Variants in TTC23L observed in about 807,000 individuals in gnomAD.
The protein encoded by TTC23L is tetratricopeptide repeat protein 23-like.
A neutral mutation model predicts 48.1 loss-of-function variants in TTC23L; 42 were observed. That is an observed-to-expected ratio of 0.87 (90% CI 0.68 to 1.13). The LOEUF (loss-of-function observed/expected upper bound fraction) is 1.13, where lower values mean the gene tolerates loss of function less well. Ranked by LOEUF, TTC23L falls within the 50% of genes most tolerant of loss-of-function variation. TTC23L has a pLI of 0.00. For synonymous variants in TTC23L, 159 were observed against 157.2 expected, an observed-to-expected ratio of 1.01 and a Z score of -0.09; for missense variants, 391 against 421.0, an observed-to-expected ratio of 0.93 and a Z score of 0.62.
At chr5:34,870,477 A>C (rs1761377605) in intron 8 of TTC23L, among the ~76,000 whole-genome samples, 1 of 152,196 alleles carries the variant, frequency 6.6e-6, no homozygotes, top group South Asian at 2.1e-4. Flanking sequence ...TTATCTTTTA[A>C]GAAAGAAATC....
intron 5 of TTC23L, 127 bp from the exon 6 acceptor site, chr5:34,864,310 C>G: frequency 1.7e-6 from 2 of 1,153,400 alleles, no homozygotes; most frequent in Non-Finnish European, 2.4e-6. Flanking sequence ...AAATAAAGAA[C>G]ATAGTTAAGT....
chr5:34,897,015 AAAAAAAAAC>A (rs1025328358), intron 10 of TTC23L, 140 bp downstream of exon 10: 4 of 547,684 alleles, frequency 7.3e-6, no homozygotes, highest in South Asian at 5.5e-5. Flanking sequence ...ATTTAAGGAA[AAAAAAAAAC>A]AAAAAAAACA....
chr5:34,858,246 T>C (rs1760286526), intron 4 of TTC23L, among the ~76,000 whole-genome samples: 2 of 152,176 alleles, frequency 1.3e-5, no homozygotes, highest in Admixed American at 1.3e-4. Flanking sequence ...GAAAAGTAAC[T>C]TGATCTATGA....
At chr5:34,922,808 T>C in the TTC23L span, 13 of 1,559,056 alleles carry the variant, frequency 8.3e-6, no homozygotes, top group South Asian at 1.1e-5. Flanking sequence ...AATTTTCTTA[T>C]CTGGCATGGT....
the TTC23L span, chr5:34,915,488 G>T: frequency 2.3e-6 from 1 of 430,744 alleles, no homozygotes; most frequent in Non-Finnish European, 4.1e-6. Context: ...GCGGCTCCGA[G>T]GAACCGCGGA....
chr5:34,922,939 G>T, the TTC23L span: 3 of 1,291,134 alleles, frequency 2.3e-6, no homozygotes, highest in South Asian at 2.5e-5. Context: ...AGAAACAAAT[G>T]AGCAAACAGT....
At chr5:34,923,049 C>T in the TTC23L span, 1 of 1,553,982 alleles carries the variant, frequency 6.4e-7, no homozygotes, top group Non-Finnish European at 8.9e-7. Flanking sequence ...ACTCTTAATT[C>T]AGGTAAATAT....
chr5:34,922,621 G>T, the TTC23L span: 6 of 1,588,776 alleles, frequency 3.8e-6, no homozygotes, highest in Non-Finnish European at 5.2e-6. Flanking sequence ...TTTAGATGAG[G>T]AAATTAAAAG....
At chr5:34,842,686 T>G (rs1229248839) in intron 2 of TTC23L, among the ~76,000 whole-genome samples, 1 of 152,136 alleles carries the variant, frequency 6.6e-6, no homozygotes, top group Non-Finnish European at 1.5e-5. Context: ...GTAGATAACC[T>G]CAGCGCTAGG....
At chr5:34,846,828 G>A (rs1409809230) in intron 3 of TTC23L, among the ~76,000 whole-genome samples, 1 of 151,646 alleles carries the variant, frequency 6.6e-6, no homozygotes, top group Non-Finnish European at 1.5e-5. Flanking sequence ...AAAGGATATG[G>A]GTAAGATGCC....
intron 8 of TTC23L, 34 bp from the exon 9 acceptor site, chr5:34,880,147 A>G: frequency 1.3e-6 from 2 of 1,594,820 alleles, no homozygotes; most frequent in Non-Finnish European, 1.7e-6. Context: ...AAAGGTTAGC[A>G]GCTTGCCTTA....
chr5:34,918,244 A>G, the TTC23L span: 27 of 533,598 alleles, frequency 5.1e-5, no homozygotes, highest in Middle Eastern at 2.3e-3. Flanking sequence ...GAGCCCAGGA[A>G]CTTGAAACTG....
chr5:34,876,870 G>A (rs1761873016), intron 8 of TTC23L, among the ~76,000 whole-genome samples: 1 of 152,044 alleles, frequency 6.6e-6, no homozygotes, highest in Non-Finnish European at 1.5e-5. Context: ...GATAGTGTCA[G>A]GAGAAACACC....
intron 4 of TTC23L, among the ~76,000 whole-genome samples, chr5:34,856,043 C>T (rs6897717): frequency 0.32 from 48,334 of 151,876 alleles, 9,367 homozygotes; most frequent in South Asian, 0.45. Flanking sequence ...ACATGGTGTT[C>T]GATTTGGGGT....
At chr5:34,891,110 T>C (rs1257728626) in intron 9 of TTC23L, among the ~76,000 whole-genome samples, 3 of 151,920 alleles carry the variant, frequency 2.0e-5, no homozygotes, top group African/African-American at 4.9e-5. Context: ...CCAATGAATG[T>C]TGAGATCTTA....
intron 2 of TTC23L, among the ~76,000 whole-genome samples, 181 bp downstream of exon 2, chr5:34,840,920 C>T (rs545592113): frequency 3.9e-5 from 6 of 152,132 alleles, no homozygotes; most frequent in African/African-American, 9.6e-5. Flanking sequence ...TAGTGGCACG[C>T]GACTGTAATC....
chr5:34,850,242 G>A (rs774938974), exon 4 of TTC23L: 1 of 1,613,854 alleles, frequency 6.2e-7, no homozygotes, highest in South Asian at 1.1e-5. Flanking sequence ...GATTATTTTT[G>A]GGGACCATCA....
At chr5:34,921,934 A>T in the TTC23L span, 1 of 164,418 alleles carries the variant, frequency 6.1e-6, no homozygotes. Context: ...AAAAGGAGGG[A>T]GGTTTCCAGT....
intron 3 of TTC23L, among the ~76,000 whole-genome samples, chr5:34,846,667 ATGTGTGTGTGTGTGTGTG>A (rs869123650): frequency 1.4e-4 from 9 of 66,344 alleles, no homozygotes; most frequent in East Asian, 8.7e-4. Context: ...ATATGTGTGT[ATGTGTGTGTGTGTGTGTG>A]TGTGTGTGTG....
Sources: gnomAD v4.1 joint callset for allele counts (sites outside exome capture counted in the v4.1 genomes callset) on GRCh38, gnomAD v4.1.1 for gene constraint, MANE v1.5 for transcripts, NCBI Gene and HGNC (gene_info 2026-07-23, HGNC 2026-07-21) for gene names.